RPS6KA2: variants seen among roughly 807,000 people sequenced by gnomAD.
RPS6KA2 encodes ribosomal protein S6 kinase alpha-2.
Under a neutral mutation model 91.8 loss-of-function variants are expected in RPS6KA2, and 42 were observed. The observed-to-expected ratio is 0.46, with a 90% CI of 0.36 to 0.59. The LOEUF (loss-of-function observed/expected upper bound fraction) is 0.59, where lower values mean the gene tolerates loss of function less well. Ranked by LOEUF, RPS6KA2 falls within the 20% of genes least tolerant of loss-of-function variation. The pLI is 0.00. For synonymous variants in RPS6KA2, 414 were observed against 393.6 expected (o/e 1.05, Z -0.61); for missense variants, 798 against 978.5 (o/e 0.82, Z 2.46).
intron 1 of RPS6KA2, among the ~76,000 whole-genome samples, chr6:166,561,933 G>A (rs1343065660): frequency 6.6e-6 from 1 of 152,088 alleles, no homozygotes; most frequent in Non-Finnish European, 1.5e-5. Flanking sequence ...ATAAAAGTGA[G>A]GGCGTACTGA....
intron 1 of RPS6KA2, among the ~76,000 whole-genome samples, chr6:166,596,614 A>G (rs1349499168): frequency 6.6e-6 from 1 of 152,188 alleles, no homozygotes; most frequent in African/African-American, 2.4e-5. Flanking sequence ...GCTGCACTGT[A>G]GTCTTCCCTA....
At position 166,648,154 on chromosome 6, in the gene RPS6KA2, A is replaced by G. The variant is rs1215675310; in HGVS notation, c.124-109370T>C. 1.4e-5 allele frequency among the ~76,000 whole-genome samples: 1 copy of G among 73,122 alleles called. No individual in the cohort carries two copies. The highest frequency in any genetic ancestry group is 2.8e-5 in the Non-Finnish European group (1 of 36,134). 48.0% of individuals were successfully genotyped at this position (73,122 alleles called of 152,430 possible). A position where few individuals can be genotyped will look rare whatever the true frequency, so the allele number is the denominator to read the frequency against. ...CATACATGCACACACGCACATGGTT[A>G]CACACCCATGCACACATGCTCACAC... On this transcript the variant is annotated intron_variant, in intron 2 of 21. Coordinates refer to the RPS6KA2 transcript ENST00000503859. This position sits in a 1 kb window ranked among gnomAD's most constrained non-coding sequence, Gnocchi z 4.8.
chr6:166,734,291 C>T (rs552304744), intron 2 of RPS6KA2, among the ~76,000 whole-genome samples: 1 of 152,318 alleles, frequency 6.6e-6, no homozygotes, highest in Middle Eastern at 3.4e-3. Context: ...CTCTCCTTAG[C>T]AGGGGTCTAA....
At chr6:166,569,459 G>T (rs1030192451) in intron 1 of RPS6KA2, among the ~76,000 whole-genome samples, 1 of 152,140 alleles carries the variant, frequency 6.6e-6, no homozygotes, top group African/African-American at 2.4e-5. Flanking sequence ...GAACCTTCTG[G>T]GTGGTTTGGG....
intron 11 of RPS6KA2, among the ~76,000 whole-genome samples, chr6:166,468,757 G>A (rs577551176): frequency 8.0e-5 from 12 of 150,110 alleles, no homozygotes; most frequent in Non-Finnish European, 1.5e-4. Flanking sequence ...CCAGCTATTC[G>A]GGAGGCTGAG....
intron 3 of RPS6KA2, among the ~76,000 whole-genome samples, chr6:166,529,811 C>G (rs1783202100): frequency 6.6e-6 from 1 of 152,148 alleles, no homozygotes. Flanking sequence ...CTCCCCGCCC[C>G]CAAACACACA....
At chr6:166,755,672 C>T (rs551918706) in intron 2 of RPS6KA2, among the ~76,000 whole-genome samples, 4 of 152,250 alleles carry the variant, frequency 2.6e-5, no homozygotes, top group East Asian at 1.9e-4. Context: ...CCTAAACAAA[C>T]GCACTTATGG....
intron 1 of RPS6KA2, among the ~76,000 whole-genome samples, chr6:166,555,689 C>G (rs775177425): frequency 6.6e-6 from 1 of 152,104 alleles, no homozygotes; most frequent in African/African-American, 2.4e-5. Flanking sequence ...GAACCTATTA[C>G]GCTTACATTT....
chr6:166,678,509 A>G (rs753923760), intron 2 of RPS6KA2, among the ~76,000 whole-genome samples: 8 of 152,176 alleles, frequency 5.3e-5, no homozygotes, highest in Non-Finnish European at 1.0e-4. Flanking sequence ...CCTGCCTTCA[A>G]TCCTTCTCTC....
intron 2 of RPS6KA2, among the ~76,000 whole-genome samples, chr6:166,720,451 A>AAGGAACCC (rs1311709706): frequency 2.6e-5 from 4 of 152,180 alleles, no homozygotes; most frequent in Admixed American, 2.0e-4. Flanking sequence ...CTTTTCCCCA[A>AAGGAACCC]AGGAACCCAG....
intron 1 of RPS6KA2, among the ~76,000 whole-genome samples, chr6:166,579,530 T>A (rs894112632): frequency 3.9e-5 from 6 of 152,140 alleles, no homozygotes; most frequent in African/African-American, 1.4e-4. Flanking sequence ...TAAACAAAAT[T>A]TGGAGAAAAA....
chr6:166,808,749 C>G (rs992015315), intron 2 of RPS6KA2, among the ~76,000 whole-genome samples: 1 of 152,164 alleles, frequency 6.6e-6, no homozygotes, highest in Non-Finnish European at 1.5e-5. Flanking sequence ...TAGGAGCACA[C>G]TTTAGCAGTA....
chr6:166,779,768 G>A (rs2128609880), intron 2 of RPS6KA2, among the ~76,000 whole-genome samples: 1 of 152,244 alleles, frequency 6.6e-6, no homozygotes, highest in African/African-American at 2.4e-5. Flanking sequence ...GGAACTGGAT[G>A]GCTGACTGCA....
chr6:166,678,120 A>AG (rs1788669386), intron 2 of RPS6KA2, among the ~76,000 whole-genome samples: 2 of 152,224 alleles, frequency 1.3e-5, no homozygotes, highest in Non-Finnish European at 2.9e-5. Context: ...TCATACCAAC[A>AG]GCCCGGCTCA....
chr6:166,413,762 AC>A (rs771153484), intron 20 of RPS6KA2, 31 bp downstream of exon 20: 51 of 1,609,516 alleles, frequency 3.2e-5, no homozygotes, highest in Non-Finnish European at 1.7e-6. Flanking sequence ...TCCCATTCCC[AC>A]CACTCTGTCC....
chr6:166,717,449 C>T (rs1431858079), intron 2 of RPS6KA2, among the ~76,000 whole-genome samples: 1 of 152,208 alleles, frequency 6.6e-6, no homozygotes, highest in African/African-American at 2.4e-5. Context: ...CCCAGCTCTG[C>T]TCTGCCACCC....
chr6:166,416,907 C>A (rs1161396128), intron 19 of RPS6KA2, among the ~76,000 whole-genome samples: 1 of 152,214 alleles, frequency 6.6e-6, no homozygotes, highest in Non-Finnish European at 1.5e-5. Context: ...CCACCATCAT[C>A]TCTACAATCA....
intron 2 of RPS6KA2, among the ~76,000 whole-genome samples, chr6:166,734,026 G>A (rs79705362): frequency 0.089 from 13,501 of 152,172 alleles, 1,073 homozygotes; most frequent in African/African-American, 0.21. Context: ...ATTGGTAAGA[G>A]GGAGGCAGGA....
rs1172369419 is a variant in RPS6KA2 at position 166,508,872 on chromosome 6, G to C, written c.380-590C>G. ...GCAGACTTTCTGTTTCAGGCCACAG[G>C]CAGGCTACACAGCTCCTGCCCACAC... On this transcript the variant is annotated intron_variant, in intron 4 of 20. Transcript: ENST00000265678. The surrounding 1 kb of genome is among the most constrained non-coding windows in gnomAD (Gnocchi z 4.3). 6.6e-6 allele frequency among the ~76,000 whole-genome samples: 1 copy of C among 152,160 alleles called. No individual in the cohort carries two copies. Among genetic ancestry groups the C allele is most frequent in the Non-Finnish European group, 1.5e-5 (1 of 68,030 alleles).
Sources: allele counts gnomAD v4.1 joint callset (sites outside exome capture counted in the v4.1 genomes callset), GRCh38; gene constraint gnomAD v4.1.1; non-coding constraint Gnocchi (gnomAD v3.1); transcripts MANE v1.5; gene names NCBI Gene and HGNC (gene_info 2026-07-23, HGNC 2026-07-21).